The following PIEZO2 variants were observed in gnomAD, a reference collection of about 807,000 sequenced individuals.
PIEZO2 encodes piezo-type mechanosensitive ion channel component 2.
Under a neutral mutation model 337.3 loss-of-function variants are expected in PIEZO2, and 172 were observed. The ratio of observed to expected loss-of-function variants is 0.51; its 90% CI spans 0.45 to 0.58. The LOEUF (loss-of-function observed/expected upper bound fraction) is 0.58. Ranked by LOEUF, PIEZO2 falls within the 20% of genes least tolerant of loss-of-function variation. PIEZO2 has a pLI of 0.00. For missense variants in PIEZO2, 3,028 were observed against 3,391.3 expected (o/e 0.89, Z 2.66); for synonymous variants, 1,251 against 1,228.5 (o/e 1.02, Z -0.38).
chr18:11,089,433 T>C (rs888999209), intron 1 of PIEZO2, among the ~76,000 whole-genome samples: 6 of 152,180 alleles, frequency 3.9e-5, no homozygotes, highest in African/African-American at 9.7e-5. Flanking sequence ...CACTAAAAGA[T>C]AAGCAACCAA....
intron 2 of PIEZO2, among the ~76,000 whole-genome samples, chr18:10,997,331 G>A (rs1017713159): frequency 2.6e-5 from 4 of 151,246 alleles, no homozygotes; most frequent in Admixed American, 6.6e-5. Flanking sequence ...GTCACATAAC[G>A]TAATATTCAA....
At chr18:11,068,552 A>C (rs1486029007) in intron 1 of PIEZO2, among the ~76,000 whole-genome samples, 1 of 152,130 alleles carries the variant, frequency 6.6e-6, no homozygotes, top group Non-Finnish European at 1.5e-5. Context: ...CTAAGAGAGA[A>C]GCTTATAGCA....
At chr18:10,992,813 T>G (rs2035159606) in intron 2 of PIEZO2, among the ~76,000 whole-genome samples, 1 of 152,208 alleles carries the variant, frequency 6.6e-6, no homozygotes, top group Non-Finnish European at 1.5e-5. Context: ...TATAAATTAC[T>G]TTGGGCAGTA....
intron 5 of PIEZO2, among the ~76,000 whole-genome samples, chr18:10,860,226 G>C (rs1319729656): frequency 6.6e-6 from 1 of 152,148 alleles, no homozygotes; most frequent in Non-Finnish European, 1.5e-5. Flanking sequence ...AGCCTGTTGA[G>C]GTTACCTGGA....
At position 10,731,177 on chromosome 18, in the gene PIEZO2, TTATATATATATATATATATA is replaced by T. The variant is rs60508630; in HGVS notation, c.5029+210_5029+229del. 1.5e-3 allele frequency among the ~76,000 whole-genome samples: 53 copies of T among 35,242 alleles called. 1 individual carries two copies. The South Asian group carries it at 0.034, about 23-fold the overall frequency. 23.1% of individuals were successfully genotyped at this position (35,242 alleles called of 152,430 possible). ...CTCTCCTTTTTTCCTACTTAAAAGA[TTATATATATATATATATATA>T]TATATATATATATATATATATCTCC... On this transcript the variant is annotated intron_variant, in intron 36 of 55. Coordinates refer to ENST00000674853, the MANE Select transcript of PIEZO2 (RefSeq NM_001378183.1).
chr18:11,058,998 G>A (rs1259855332), intron 2 of PIEZO2, among the ~76,000 whole-genome samples: 3 of 152,174 alleles, frequency 2.0e-5, no homozygotes, highest in Non-Finnish European at 2.9e-5. Flanking sequence ...GTAAAGGGCA[G>A]CCAGAGAGAA....
Position 11,143,496 on chromosome 18 carries a change from G to T in PIEZO2, c.64+5029C>A, listed in dbSNP as rs530535246. Among the ~76,000 whole-genome samples, 1 of 152,142 alleles carries T rather than the reference G, an allele frequency of 6.6e-6. No homozygotes were observed. The highest frequency in any genetic ancestry group is 1.9e-4 in the East Asian group (1 of 5,180). ...GATCTAGTGAGAACAATATGTAATT[G>T]TTCTAAATATTGTTTTTAAGTCCTA... On this transcript the variant is annotated intron_variant, in intron 1 of 55. Transcript: ENST00000674853. This position sits in a 1 kb window ranked among gnomAD's most constrained non-coding sequence, Gnocchi z 4.9.
rs2040352366 is a variant in PIEZO2, at chr18:10,815,977, C to T, written c.918-8703G>A. Among the ~76,000 whole-genome samples, 1 of 152,192 alleles carries T rather than the reference C, an allele frequency of 6.6e-6. No homozygotes were observed. ...GGAAACATCATCAGTGCAATAAAAA[C>T]TCCCATTTGGAGAAAGGAGGTGCGG... is the stretch of plus-strand genomic sequence containing the variant. On this transcript the variant is annotated intron_variant, in intron 7 of 55. Transcript: ENST00000674853. The surrounding 1 kb of genome is among the most constrained non-coding windows in gnomAD (Gnocchi z 4.1).
At position 11,087,922 on chromosome 18, in the gene PIEZO2, T is replaced by G. The variant is rs572658625; in HGVS notation, c.65-21700A>C. Among the ~76,000 whole-genome samples, 9 of 152,396 alleles carry G rather than the reference T, an allele frequency of 5.9e-5. No homozygotes were observed. In the South Asian group the frequency reaches 1.0e-3, roughly 18 times the overall value. ...GCCTGCTTGCAGTCCCTGCTGCTTT[T>G]GCTTCATTTCTGTTTCTCTGTTCAC... is the stretch of plus-strand genomic sequence containing the variant. On this transcript the variant is annotated intron_variant, in intron 1 of 55. Transcript: ENST00000674853.
rs944790942 is a variant in PIEZO2 at position 10,928,791 on chromosome 18, C to T, written c.287-17563G>A. ...AGCATCCATTTCTCCCCTATTTTACCGGCCAAGACATCTCTTCCCAGGCAG... is the reference window on the plus strand; with the variant it reads ...AGCATCCATTTCTCCCCTATTTTACTGGCCAAGACATCTCTTCCCAGGCAG... On this transcript the variant is annotated intron_variant, in intron 3 of 55. Coordinates refer to ENST00000674853, the MANE Select transcript of PIEZO2 (RefSeq NM_001378183.1). Among the ~76,000 whole-genome samples the T allele has an allele frequency of 3.3e-5, 5 of 152,100 alleles. No homozygotes were observed. In the South Asian group the frequency reaches 6.2e-4, roughly 19 times the overall value.
rs1172538567 is a variant in PIEZO2, at chr18:11,027,220, G to A, written c.160+38907C>T. Among the ~76,000 whole-genome samples, 2 of 152,178 alleles carry A rather than the reference G, an allele frequency of 1.3e-5. No homozygotes were observed. The highest frequency in any genetic ancestry group is 4.8e-5 in the African/African-American group (2 of 41,430). Reference sequence around the variant, plus strand: ...CCAGAATATGGGTAGAACCTGGAGAGAGGAAAGCAAACAGCATTTGTGGAA... The same window carrying A: ...CCAGAATATGGGTAGAACCTGGAGAAAGGAAAGCAAACAGCATTTGTGGAA... On this transcript the variant is annotated intron_variant, in intron 2 of 55. Transcript: ENST00000674853. The surrounding 1 kb of genome is among the most constrained non-coding windows in gnomAD (Gnocchi z 4.2).
intron 1 of PIEZO2, among the ~76,000 whole-genome samples, chr18:11,137,651 C>T: frequency 6.6e-6 from 1 of 152,090 alleles, no homozygotes; most frequent in East Asian, 1.9e-4. Context: ...CAGTGCTGCC[C>T]GGCAGGGACA....
intron 3 of PIEZO2, among the ~76,000 whole-genome samples, chr18:10,960,834 G>C (rs2033739008): frequency 6.6e-6 from 1 of 152,178 alleles, no homozygotes; most frequent in Non-Finnish European, 1.5e-5. Flanking sequence ...TAAATGAAGA[G>C]ACTGGACTGT....
At chr18:11,023,883 G>GGCCCGGGTGCTAAGCCCCTCATT (rs1254412166) in intron 2 of PIEZO2, among the ~76,000 whole-genome samples, 1 of 152,212 alleles carries the variant, frequency 6.6e-6, no homozygotes, top group African/African-American at 2.4e-5. Context: ...CGCAGCCGCT[G>GGCCCGGGTGCTAAGCCCCTCATT]GCCCGGGTGC....
At chr18:10,715,629 G>T (rs944153224) in intron 38 of PIEZO2, 21 bp downstream of exon 38, 9 of 1,500,404 alleles carry the variant, frequency 6.0e-6, no homozygotes, top group African/African-American at 5.6e-5. Flanking sequence ...GGAGCAAAAA[G>T]AATTACACCA....
rs1325804264 is a variant in PIEZO2 at position 10,872,907 on chromosome 18, G to A, written c.330-1492C>T. 6.6e-6 allele frequency among the ~76,000 whole-genome samples: 1 copy of A among 152,120 alleles called. No individual in the cohort carries two copies. Among genetic ancestry groups the A allele is most frequent in the African/African-American group, 2.4e-5 (1 of 41,434 alleles). On this transcript the variant is annotated intron_variant, in intron 4 of 55. Transcript: ENST00000674853. The surrounding 1 kb of genome is among the most constrained non-coding windows in gnomAD (Gnocchi z 4.3). ...AGTCTGTACCAGCATTAAAACTTCT[G>A]GGGAAGATAAGATGATCCATGGAAA... is the stretch of plus-strand genomic sequence containing the variant.
chr18:11,090,805 C>T (rs997251527), intron 1 of PIEZO2, among the ~76,000 whole-genome samples: 1 of 148,250 alleles, frequency 6.7e-6, no homozygotes, highest in Non-Finnish European at 1.5e-5. Context: ...CTCAGCTACA[C>T]GGGAGGCTGA....
At chr18:10,761,481 T>C (rs955240909) in intron 23 of PIEZO2, among the ~76,000 whole-genome samples, 1 of 152,184 alleles carries the variant, frequency 6.6e-6, no homozygotes, top group African/African-American at 2.4e-5. Flanking sequence ...TGGGACGCAC[T>C]GAGCTAAATG....
chr18:10,769,295 T>C (rs572988293), intron 21 of PIEZO2, among the ~76,000 whole-genome samples: 2 of 152,350 alleles, frequency 1.3e-5, no homozygotes, highest in East Asian at 3.9e-4. Context: ...GCTTCTGTTT[T>C]CATTCCCACT....
Sources: allele counts gnomAD v4.1 joint callset (sites outside exome capture counted in the v4.1 genomes callset), GRCh38; gene constraint gnomAD v4.1.1; non-coding constraint Gnocchi (gnomAD v3.1); transcripts MANE v1.5; gene names NCBI Gene and HGNC (gene_info 2026-07-23, HGNC 2026-07-21).